Variants in ANKRD12 observed in about 807,000 individuals in gnomAD.
ANKRD12 encodes the protein ankyrin repeat domain 12, also known as ankyrin repeat domain-containing protein 12.
A neutral mutation model predicts 183.4 loss-of-function variants in ANKRD12; 85 were observed. The ratio of observed to expected loss-of-function variants is 0.46; its 90% CI spans 0.39 to 0.56. ANKRD12 has a LOEUF of 0.56. Among genes scored for constraint, ANKRD12 ranks in the 20% least tolerant of loss-of-function variants. ANKRD12 has a pLI of 0.00. For synonymous variants in ANKRD12, 914 were observed against 800.2 expected (o/e 1.14, Z -2.40); for missense variants, 2,405 against 2,357.1 (o/e 1.02, Z -0.42).
rs1231349258 is a variant in ANKRD12, at chr18:9,136,933, G to C, written c.-84G>C. On this transcript the variant is annotated 5_prime_UTR_variant, in exon 1 of 13. Coordinates refer to ENST00000262126, the MANE Select transcript of ANKRD12 (RefSeq NM_015208.5). Reference sequence around the variant, plus strand: ...CGGCTACGCCGAAGCACTCGTTCCGGGGGTGAAGCCTCCTGCGCCGGCCTT... The same window carrying C: ...CGGCTACGCCGAAGCACTCGTTCCGCGGGTGAAGCCTCCTGCGCCGGCCTT... 6.6e-6 allele frequency: 1 copy of C among 152,356 alleles called. No homozygotes were observed. The highest frequency in any genetic ancestry group is 2.4e-5 in the African/African-American group (1 of 41,450). The allele number at this position is 152,356 out of a possible 1,614,324, so 9.4% of individuals were successfully genotyped here. A position where few individuals can be genotyped will look rare whatever the true frequency, so the allele number is the denominator to read the frequency against.
At chr18:9,177,174 G>A (rs566292525) in intron 1 of ANKRD12, among the ~76,000 whole-genome samples, 1 of 152,318 alleles carries the variant, frequency 6.6e-6, no homozygotes, top group East Asian at 1.9e-4. Context: ...TTAGGGCATG[G>A]AAATTGAAGT....
At chr18:9,168,950 G>A (rs1176907197) in intron 1 of ANKRD12, among the ~76,000 whole-genome samples, 4 of 152,074 alleles carry the variant, frequency 2.6e-5, no homozygotes, top group Non-Finnish European at 2.9e-5. Context: ...AAAGAACATC[G>A]TTATTTCTGC....
At chr18:9,159,719 G>A (rs1327159927) in intron 1 of ANKRD12, among the ~76,000 whole-genome samples, 6 of 151,756 alleles carry the variant, frequency 4.0e-5, no homozygotes, top group South Asian at 2.1e-4. Flanking sequence ...GATTACAGGC[G>A]TGAGCCACTG....
intron 4 of ANKRD12, among the ~76,000 whole-genome samples, chr18:9,205,198 G>A (rs2035411690): frequency 6.6e-6 from 1 of 152,092 alleles, no homozygotes; most frequent in African/African-American, 2.4e-5. Flanking sequence ...TACAAGTACT[G>A]TGTCCTCTTA....
At position 9,256,283 on chromosome 18, in the gene ANKRD12, G is replaced by A. The variant is rs935394004; in HGVS notation, c.3016G>A (p.Asp1006Asn). Reference sequence around the variant, plus strand: ...CTTATCCCTTAAAGAAAAAACAAAAGATGAACCTTTGAAAACTCCAGATGG... The same window carrying A: ...CTTATCCCTTAAAGAAAAAACAAAAAATGAACCTTTGAAAACTCCAGATGG... Reference protein sequence around the residue: ...KPLSLKEKTKDEPLKTPDGKE... With the variant: ...KPLSLKEKTKNEPLKTPDGKE... Residue 1006 changes from aspartate (D) to asparagine (N), a missense_variant, in exon 9 of 13, where the codon GAT (aspartate) becomes AAT (asparagine). Around this residue, in one of 7 missense-constraint regions of ANKRD12, gnomAD observed 1,983 missense variants for 1,725.9 expected, o/e 1.15. Coordinates refer to ENST00000262126, the MANE Select transcript of ANKRD12 (RefSeq NM_015208.5). 1 of 1,605,246 alleles carries A rather than the reference G, an allele frequency of 6.2e-7. No individual in the cohort carries two copies. Among genetic ancestry groups the A allele is most frequent in the Non-Finnish European group, 8.5e-7 (1 of 1,177,300 alleles).
chr18:9,157,579 G>GTATA (rs1337373504), intron 1 of ANKRD12, among the ~76,000 whole-genome samples: 2 of 114,208 alleles, frequency 1.8e-5, no homozygotes, highest in South Asian at 2.5e-4. Context: ...GTGTGTGTGT[G>GTATA]TGTGTGTATA....
At chr18:9,169,188 G>T (rs986864452) in intron 1 of ANKRD12, among the ~76,000 whole-genome samples, 15 of 152,248 alleles carry the variant, frequency 9.9e-5, no homozygotes, top group East Asian at 3.9e-4. Flanking sequence ...GAATGTATAT[G>T]CTGTTGATTT....
chr18:9,234,670 G>A (rs1284477193), intron 8 of ANKRD12, among the ~76,000 whole-genome samples: 3 of 152,220 alleles, frequency 2.0e-5, no homozygotes, highest in South Asian at 4.2e-4. Context: ...GCAGGATGAA[G>A]TCTCCTGACA....
At chr18:9,153,861 C>A (rs2029973395) in intron 1 of ANKRD12, among the ~76,000 whole-genome samples, 1 of 151,992 alleles carries the variant, frequency 6.6e-6, no homozygotes, top group Non-Finnish European at 1.5e-5. Context: ...CTAATTCATT[C>A]TTTGGCTTAT....
chr18:9,196,630 A>G (rs531632346), intron 3 of ANKRD12, among the ~76,000 whole-genome samples: 7 of 152,354 alleles, frequency 4.6e-5, no homozygotes, highest in African/African-American at 7.2e-5. Context: ...GAAACATTCT[A>G]TGCTAACATA....
chr18:9,207,417 A>G (rs2035546998), intron 4 of ANKRD12, among the ~76,000 whole-genome samples: 2 of 152,216 alleles, frequency 1.3e-5, no homozygotes, highest in South Asian at 4.1e-4. Context: ...TTAATTTTGA[A>G]AGATTTGTGG....
intron 8 of ANKRD12, among the ~76,000 whole-genome samples, chr18:9,230,805 C>T (rs565596735): frequency 5.3e-5 from 8 of 151,850 alleles, no homozygotes; most frequent in African/African-American, 1.4e-4. Flanking sequence ...ACTACAGATG[C>T]GTGCCATCAC....
chr18:9,261,603 T>G (rs2038967839), intron 9 of ANKRD12, among the ~76,000 whole-genome samples: 2 of 152,184 alleles, frequency 1.3e-5, no homozygotes, highest in African/African-American at 4.8e-5. Flanking sequence ...CTTAAGTTCT[T>G]AGAACATCAA....
chr18:9,225,926 ATATC>A (rs2036680678), intron 8 of ANKRD12, among the ~76,000 whole-genome samples: 1 of 151,862 alleles, frequency 6.6e-6, no homozygotes, highest in Admixed American at 6.6e-5. Flanking sequence ...ACACTATCAC[ATATC>A]TATCCATCAA....
At chr18:9,253,579 A>T (rs1046066865) in intron 8 of ANKRD12, among the ~76,000 whole-genome samples, 1 of 152,170 alleles carries the variant, frequency 6.6e-6, no homozygotes, top group African/African-American at 2.4e-5. Flanking sequence ...TTATCCATTC[A>T]TCTGTTGATG....
intron 3 of ANKRD12, among the ~76,000 whole-genome samples, chr18:9,196,134 C>G (rs2034788405): frequency 6.6e-6 from 1 of 150,476 alleles, no homozygotes; most frequent in Non-Finnish European, 1.5e-5. Flanking sequence ...CACACACACA[C>G]ACACACACAC....
chr18:9,153,426 C>G (rs1289328738), intron 1 of ANKRD12, among the ~76,000 whole-genome samples: 1 of 152,072 alleles, frequency 6.6e-6, no homozygotes, highest in South Asian at 2.1e-4. Flanking sequence ...ATTTTGAAAT[C>G]CTTTGTCTTT....
intron 1 of ANKRD12, among the ~76,000 whole-genome samples, chr18:9,167,768 G>GT (rs1416881468): frequency 6.6e-6 from 1 of 152,206 alleles, no homozygotes. Flanking sequence ...AATAGGAGTG[G>GT]TGAGGGAGGG....
intron 1 of ANKRD12, among the ~76,000 whole-genome samples, chr18:9,158,148 T>A (rs1403803078): frequency 6.6e-6 from 1 of 152,202 alleles, no homozygotes; most frequent in Non-Finnish European, 1.5e-5. Flanking sequence ...GTAGAGTGGT[T>A]TTAGATGTAC....
Sources: allele counts gnomAD v4.1 joint callset (sites outside exome capture counted in the v4.1 genomes callset), GRCh38; gene constraint gnomAD v4.1.1; regional missense constraint gnomAD v4.1.1; transcripts MANE v1.5; gene names NCBI Gene and HGNC (gene_info 2026-07-23, HGNC 2026-07-21).